Variants in LAMA2 observed in about 807,000 individuals in gnomAD.
LAMA2 encodes laminin subunit alpha 2, also known as laminin subunit alpha-2.
A neutral mutation model predicts 364.8 loss-of-function variants in LAMA2; 269 were observed. The ratio of observed to expected loss-of-function variants is 0.74; its 90% confidence interval spans 0.67 to 0.82. LAMA2 has a LOEUF of 0.82. LAMA2 is among the 40% of genes least tolerant of loss of function. LAMA2 has a pLI of 0.00. For synonymous variants in LAMA2, 1,379 were observed against 1,370.6 expected (o/e 1.01, Z -0.14); for missense variants, 3,807 against 3,873.2 (o/e 0.98, Z 0.45).
intron 4 of LAMA2, among the ~76,000 whole-genome samples, chr6:129,105,369 C>A (rs532430243): frequency 6.6e-6 from 1 of 152,144 alleles, no homozygotes. Flanking sequence ...ACAAGAACTG[C>A]CACTTGGAAG....
chr6:129,442,755 T>C, intron 43 of LAMA2: 2 of 402,426 alleles, frequency 5.0e-6, no homozygotes, highest in South Asian at 4.5e-5. Context: ...GTCATATCTC[T>C]GTTTTAATCC....
intron 12 of LAMA2, among the ~76,000 whole-genome samples, chr6:129,216,352 A>T (rs1475436515): frequency 6.6e-6 from 1 of 152,224 alleles, no homozygotes; most frequent in Non-Finnish European, 1.5e-5. Context: ...TATAAATATT[A>T]AATAATTCCT....
chr6:129,030,460 C>T (rs1264110885), intron 1 of LAMA2, among the ~76,000 whole-genome samples: 6 of 152,018 alleles, frequency 3.9e-5, no homozygotes, highest in Admixed American at 2.6e-4. Flanking sequence ...ACACATGTTC[C>T]GTCTTTAGCA....
chr6:128,909,291 C>T (rs1221291424), intron 1 of LAMA2, among the ~76,000 whole-genome samples: 1 of 151,970 alleles, frequency 6.6e-6, no homozygotes, highest in Non-Finnish European at 1.5e-5. Context: ...GTAGGTCACT[C>T]AGGACTTGCT....
intron 3 of LAMA2, among the ~76,000 whole-genome samples, chr6:129,081,559 T>C (rs1418275908): frequency 2.0e-5 from 3 of 152,328 alleles, no homozygotes; most frequent in African/African-American, 7.2e-5. Context: ...TCGTAATTCT[T>C]TTTGGGTAAT....
intron 9 of LAMA2, among the ~76,000 whole-genome samples, chr6:129,169,264 T>G (rs1018731723): frequency 6.8e-6 from 1 of 146,584 alleles, no homozygotes; most frequent in African/African-American, 2.7e-5. Context: ...ATGCTTCCAG[T>G]TTTTGCCCAT....
chr6:129,076,513 A>ATATTATATATATT (rs1562216909), intron 3 of LAMA2, among the ~76,000 whole-genome samples: 2 of 142,708 alleles, frequency 1.4e-5, no homozygotes, highest in African/African-American at 5.2e-5. Flanking sequence ...ATATATATAT[A>ATATTATATATATT]ATATATATAA....
At chr6:129,079,416 G>A (rs1773889281) in intron 3 of LAMA2, among the ~76,000 whole-genome samples, 1 of 151,908 alleles carries the variant, frequency 6.6e-6, no homozygotes. Context: ...GGATAAGGAG[G>A]GACTACTATA....
rs563905615 is a variant in LAMA2 at position 129,348,948 on chromosome 6, C to G, written c.4437-350C>G. Among the ~76,000 whole-genome samples the G allele has an allele frequency of 9.3e-4, 142 of 152,172 alleles. 1 individual carries two copies. The highest frequency in any genetic ancestry group is 1.6e-3 in the Non-Finnish European group (111 of 67,994). ...AGCTATTCCACTATCAGACAATGTG[C>G]ATAAATTCTAGTCAGATTTTTCTTT... On this transcript the variant is annotated intron_variant, in intron 30 of 64. Transcript: ENST00000421865.
chr6:129,232,092 T>A (rs146040866), intron 12 of LAMA2, among the ~76,000 whole-genome samples: 1 of 152,222 alleles, frequency 6.6e-6, no homozygotes, highest in Non-Finnish European at 1.5e-5. Context: ...CTGAAAAATA[T>A]AGCTGTCTAT....
chr6:129,283,236 CAAAG>C (rs940949791), intron 18 of LAMA2, among the ~76,000 whole-genome samples: 2 of 151,996 alleles, frequency 1.3e-5, no homozygotes, highest in African/African-American at 4.8e-5. Flanking sequence ...ACAAAAATAA[CAAAG>C]AGACAGAATC....
intron 12 of LAMA2, among the ~76,000 whole-genome samples, chr6:129,236,021 A>G (rs1241503964): frequency 1.3e-5 from 2 of 152,214 alleles, no homozygotes; most frequent in African/African-American, 4.8e-5. Flanking sequence ...GAAATCTTGA[A>G]CACTTCATTA....
In LAMA2 at chr6:128,984,876, G is replaced by A. The variant is rs138161473; in HGVS notation, c.113-65042G>A. On this transcript the variant is annotated intron_variant, in intron 1 of 64. Coordinates refer to ENST00000421865, the MANE Select transcript of LAMA2 (RefSeq NM_000426.4). ...TCCACCCTGGGAATCACTTCACTGCGTTGAATCTGGATAGGAAATAAAGAT... is the reference window on the plus strand; with the variant it reads ...TCCACCCTGGGAATCACTTCACTGCATTGAATCTGGATAGGAAATAAAGAT... 4.1e-4 allele frequency among the ~76,000 whole-genome samples: 63 copies of A among 152,154 alleles called. No individual in the cohort carries two copies. The East Asian group carries it at 4.8e-3, about 12-fold the overall frequency.
chr6:129,305,918 C>A (rs1379461122), intron 22 of LAMA2, among the ~76,000 whole-genome samples: 1 of 149,846 alleles, frequency 6.7e-6, no homozygotes, highest in African/African-American at 2.5e-5. Flanking sequence ...CATTTTATTT[C>A]TTTGGTTTTG....
At chr6:129,154,754 AAAT>A (rs1187285055) in intron 8 of LAMA2, 71 bp downstream of exon 8, 5 of 1,256,582 alleles carry the variant, frequency 4.0e-6, no homozygotes, top group Admixed American at 3.5e-5. Flanking sequence ...TTATACAAAA[AAAT>A]AATAATTTTG....
At chr6:129,139,152 C>A (rs1267851256) in intron 4 of LAMA2, among the ~76,000 whole-genome samples, 1 of 152,100 alleles carries the variant, frequency 6.6e-6, no homozygotes, top group African/African-American at 2.4e-5. Flanking sequence ...GAGGAATAAA[C>A]CAAAATGTAC....
At chr6:129,334,311 C>T (rs745706621) in intron 29 of LAMA2, among the ~76,000 whole-genome samples, 1 of 152,166 alleles carries the variant, frequency 6.6e-6, no homozygotes, top group African/African-American at 2.4e-5. Context: ...TGAGCCTACT[C>T]AATTTATTTA....
chr6:129,464,615 A>C (rs1428696831), intron 50 of LAMA2, among the ~76,000 whole-genome samples, 163 bp downstream of exon 50: 3 of 151,998 alleles, frequency 2.0e-5, no homozygotes, highest in African/African-American at 7.2e-5. Flanking sequence ...GATAGTGCTT[A>C]TATATTTTCA....
At chr6:129,339,172 T>G (rs1776119530) in intron 29 of LAMA2, among the ~76,000 whole-genome samples, 1 of 152,224 alleles carries the variant, frequency 6.6e-6, no homozygotes, top group African/African-American at 2.4e-5. Flanking sequence ...TAAAAGGCTA[T>G]TCTAATAATC....
Sources: allele counts gnomAD v4.1 joint callset (sites outside exome capture counted in the v4.1 genomes callset), GRCh38; gene constraint gnomAD v4.1.1; transcripts MANE v1.5; gene names NCBI Gene and HGNC (gene_info 2026-07-23, HGNC 2026-07-21).